Variants in WFDC6 observed in about 807,000 individuals in gnomAD.
WFDC6 encodes the protein WAP four-disulfide core domain 6.
In WFDC6, 10 loss-of-function variants were observed where a neutral mutation model predicts 8.2. The ratio of observed to expected loss-of-function variants is 1.22; its 90% CI spans 0.75 to 2.07. The LOEUF is 2.07. Ranked by LOEUF, WFDC6 falls within the 30% of genes most tolerant of loss-of-function variation. The pLI is 0.00. For synonymous variants in WFDC6, 28 were observed against 37.0 expected (o/e 0.76, Z 0.88); for missense variants, 105 against 104.9 (o/e 1.00, Z 0.00).
chr20:45,537,897 A>T, intron 2 of WFDC6, 67 bp downstream of exon 2: 1 of 1,609,748 alleles, frequency 6.2e-7, no homozygotes, highest in South Asian at 1.1e-5. Flanking sequence ...TAGGAGACAG[A>T]GGTAGTGCAG....
At chr20:45,537,072 AT>A (rs1979393324) in intron 2 of WFDC6, 1 of 163,830 alleles carries the variant, frequency 6.1e-6, no homozygotes, top group Non-Finnish European at 1.3e-5. Context: ...GATTCAGAAA[AT>A]ATCATTAAGT....
intron 2 of WFDC6, chr20:45,535,388 T>C: frequency 4.1e-6 from 5 of 1,228,082 alleles, no homozygotes; most frequent in Admixed American, 6.1e-5. Context: ...AGAATGTCCA[T>C]CTCTCCCCTT....
chr20:45,536,914 T>C (rs1979386610), intron 2 of WFDC6: 1 of 153,384 alleles, frequency 6.5e-6, no homozygotes, highest in Non-Finnish European at 1.5e-5. Flanking sequence ...AGCGAACCTA[T>C]AGAGAGCTGC....
At position 45,534,369 on chromosome 20, in the gene WFDC6, T is replaced by C. The variant is rs1443094911; in HGVS notation, c.*98A>G. 1 of 1,434,870 alleles carries C rather than the reference T, an allele frequency of 7.0e-7. No individual in the cohort carries two copies. The highest frequency in any genetic ancestry group is 9.8e-7 in the Non-Finnish European group (1 of 1,017,486). 88.9% of individuals were successfully genotyped at this position (1,434,870 alleles called of 1,614,324 possible). A position where few individuals can be genotyped will look rare whatever the true frequency, so the allele number is the denominator to read the frequency against. ...TGTGTAAGCAATTCCTGGGGTTCAG[T>C]TTCTGGAACAGCCAAGGTTTGGCCC... On this transcript the variant is annotated 3_prime_UTR_variant, in exon 3 of 3. Coordinates refer to ENST00000372670, the MANE Select transcript of WFDC6 (RefSeq NM_080827.2).
chr20:45,539,110 G>C (rs1246073577), intron 1 of WFDC6, among the ~76,000 whole-genome samples: 1 of 152,144 alleles, frequency 6.6e-6, no homozygotes, highest in East Asian at 1.9e-4. Flanking sequence ...TGGAATGGCA[G>C]CAAGGAGTCA....
chr20:45,534,312 T>C lies in WFDC6; in HGVS notation c.*155A>G. The C allele has an allele frequency of 2.4e-6, 2 of 846,998 alleles. No homozygotes were observed. The highest frequency in any genetic ancestry group is 2.4e-5 in the East Asian group (1 of 40,834). 52.5% of individuals were successfully genotyped at this position (846,998 alleles called of 1,614,324 possible). A position where few individuals can be genotyped will look rare whatever the true frequency, so the allele number is the denominator to read the frequency against. The stretch of plus-strand genomic sequence containing the variant: ...GAGAAGTGGTCAAGGGGAAGAGCAT[T>C]GTGTTTGAAGAGATGCTACGCTGGA... On this transcript the variant is annotated 3_prime_UTR_variant, in exon 3 of 3. Transcript: ENST00000372670.
chr20:45,538,216 G>A (rs913771802), intron 1 of WFDC6, 122 bp from the exon 2 acceptor site: 8 of 1,535,154 alleles, frequency 5.2e-6, no homozygotes, highest in Admixed American at 2.0e-5. Flanking sequence ...TCCCCAGAAG[G>A]TAGTGGCCCT....
At position 45,539,476 on chromosome 20, in the gene WFDC6, C is replaced by T; in HGVS notation, c.-69G>A. 6.9e-7 allele frequency: 1 copy of T among 1,447,768 alleles called. No homozygotes were observed. Among genetic ancestry groups the T allele is most frequent in the Non-Finnish European group, 9.7e-7 (1 of 1,030,862 alleles). 89.7% of individuals were successfully genotyped at this position (1,447,768 alleles called of 1,614,324 possible). On this transcript the variant is annotated 5_prime_UTR_variant, in exon 1 of 3. Coordinates refer to ENST00000372670, the MANE Select transcript of WFDC6 (RefSeq NM_080827.2). ...TGCTCCTCAGCAGCTCCTACATCTG[C>T]ACTTTGCCTGCCCCGGTGTGGCCCA...
Position 45,537,863 on chromosome 20 carries a change from G to T in WFDC6, c.222+101C>A, listed in dbSNP as rs1600871014. The stretch of plus-strand genomic sequence containing the variant: ...AGTAGAAGATGTACCTAAACTCTTG[G>T]TCAGAGACCAGCCATCAGTGAACTA... On this transcript the variant is annotated intron_variant, in intron 2 of 2. Transcript: ENST00000372670. 5.7e-6 allele frequency: 9 copies of T among 1,581,044 alleles called. No homozygotes were observed. In the East Asian group the frequency reaches 2.0e-4, roughly 36 times the overall value.
In WFDC6 at chr20:45,538,007, C is replaced by T. The variant is rs141960100; in HGVS notation, c.179G>A (p.Cys60Tyr). The T allele has an allele frequency of 4.1e-4, 654 of 1,614,004 alleles. 1 individual carries two copies. Among genetic ancestry groups the T allele is most frequent in the Non-Finnish European group, 5.0e-4 (589 of 1,179,928 alleles). ...KPRDCPENMK[C>Y]CPFSRGKKCL... ...TTTCTTTCCACGGCTGAACGGGCAA[C>T]ACTTCATGTTTTCTGGGCAATCTCT... The change falls in exon 2 of 3, where the codon TGT (cysteine) becomes TAT (tyrosine). Residue 60 changes from cysteine (C) to tyrosine (Y), a missense_variant. Coordinates refer to ENST00000372670, the MANE Select transcript of WFDC6 (RefSeq NM_080827.2).
At chr20:45,537,402 G>T in intron 2 of WFDC6, 2 of 975,456 alleles carry the variant, frequency 2.1e-6, no homozygotes, top group East Asian at 2.6e-5. Flanking sequence ...GGTGTCAGGG[G>T]CACCAATCAA....
chr20:45,539,255 T>C, intron 1 of WFDC6, 62 bp downstream of exon 1: 1 of 1,504,070 alleles, frequency 6.6e-7, no homozygotes, highest in Non-Finnish European at 9.2e-7. Context: ...AATTATTCTT[T>C]GTTCCTTCCT....
At chr20:45,537,931 G>A (rs747416975) in intron 2 of WFDC6, 33 bp downstream of exon 2, 34 of 1,613,496 alleles carry the variant, frequency 2.1e-5, no homozygotes, top group Non-Finnish European at 2.8e-5. Flanking sequence ...AGGAGGTGAG[G>A]GCACTGGGTA....
intron 2 of WFDC6, chr20:45,537,355 C>A (rs1343207181): frequency 1.5e-6 from 1 of 674,624 alleles, no homozygotes; most frequent in Middle Eastern, 2.5e-4. Context: ...ACTTTTCTGA[C>A]CTTCCTGGCC....
At chr20:45,537,187 C>T (rs1234614332) in intron 2 of WFDC6, 3 of 284,472 alleles carry the variant, frequency 1.1e-5, no homozygotes, top group South Asian at 7.0e-5. Context: ...GTCTCTTGCT[C>T]ACTCTCTGCT....
chr20:45,538,338 T>G (rs561552417), intron 1 of WFDC6, among the ~76,000 whole-genome samples: 3 of 152,330 alleles, frequency 2.0e-5, no homozygotes, highest in Non-Finnish European at 4.4e-5. Flanking sequence ...ATGAGATTCC[T>G]GAGAGAAAGA....
intron 2 of WFDC6, chr20:45,535,220 T>C (rs1205292513): frequency 7.7e-7 from 1 of 1,304,298 alleles, no homozygotes; most frequent in East Asian, 5.5e-5. Context: ...ATTGTTCCCC[T>C]GGCTACCGCC....
chr20:45,536,548 C>A (rs1487554490), intron 2 of WFDC6, among the ~76,000 whole-genome samples: 3 of 152,182 alleles, frequency 2.0e-5, no homozygotes, highest in African/African-American at 7.2e-5. Flanking sequence ...AAATAACTTT[C>A]TTGAGGCCAC....
chr20:45,535,459 C>A, intron 2 of WFDC6: 1 of 1,042,414 alleles, frequency 9.6e-7, no homozygotes, highest in Non-Finnish European at 1.2e-6. Flanking sequence ...GCTCTGTTCC[C>A]AATTCAGTGT....
Sources: allele counts gnomAD v4.1 joint callset (sites outside exome capture counted in the v4.1 genomes callset), GRCh38; gene constraint gnomAD v4.1.1; transcripts MANE v1.5; gene names NCBI Gene and HGNC (gene_info 2026-07-23, HGNC 2026-07-21).